The following CFDP1 variants were observed in gnomAD, a reference collection of about 807,000 sequenced individuals.
CFDP1 encodes the protein chromatin remodeling protein CFDP1, also known as heterochromatin-stabilizing protein CFDP1.
A neutral mutation model predicts 40.1 loss-of-function variants in CFDP1; 31 were observed. The ratio of observed to expected loss-of-function variants is 0.77; its 90% CI spans 0.58 to 1.04. The LOEUF (loss-of-function observed/expected upper bound fraction) is 1.04. CFDP1 is among the 50% of genes least tolerant of loss of function. The probability of loss-of-function intolerance (pLI) is 0.00; values close to 1 mark genes in which losing one functional copy is unlikely to be tolerated. For synonymous variants in CFDP1, 167 were observed against 120.0 expected (o/e 1.39, Z -2.56); for missense variants, 423 against 343.4 (o/e 1.23, Z -1.83).
intron 4 of CFDP1, among the ~76,000 whole-genome samples, chr16:75,400,563 T>A (rs1398655660): frequency 1.3e-5 from 2 of 152,176 alleles, no homozygotes; most frequent in Non-Finnish European, 2.9e-5. Flanking sequence ...TACCACAGGC[T>A]ACTGCTCTAC....
intron 5 of CFDP1, among the ~76,000 whole-genome samples, chr16:75,345,686 G>A (rs112998325): frequency 2.6e-4 from 39 of 152,216 alleles, no homozygotes; most frequent in African/African-American, 9.2e-4. Flanking sequence ...AAGAGAGTTT[G>A]GTAATAAGAG....
intron 2 of CFDP1, among the ~76,000 whole-genome samples, chr16:75,413,170 G>A (rs1462284966): frequency 6.6e-6 from 1 of 152,122 alleles, no homozygotes; most frequent in Non-Finnish European, 1.5e-5. Flanking sequence ...ATTTAGAAGA[G>A]CCTCAACTTT....
intron 5 of CFDP1, among the ~76,000 whole-genome samples, chr16:75,319,842 A>G (rs975376393): frequency 3.3e-5 from 5 of 152,232 alleles, no homozygotes; most frequent in Admixed American, 1.3e-4. Flanking sequence ...TTACTTAAGC[A>G]TGAGCCCTAA....
At chr16:75,328,611 A>C (rs1469143066) in intron 5 of CFDP1, among the ~76,000 whole-genome samples, 1 of 149,830 alleles carries the variant, frequency 6.7e-6, no homozygotes, top group Non-Finnish European at 1.5e-5. Context: ...AAAAAAAAAA[A>C]AAAAAAAAAA....
chr16:75,400,648 G>C (rs1487050766), intron 4 of CFDP1, among the ~76,000 whole-genome samples: 3 of 152,160 alleles, frequency 2.0e-5, no homozygotes. Flanking sequence ...AAAAGGCATG[G>C]CTGAAGTCCA....
At chr16:75,405,133 A>G (rs985300628) in intron 4 of CFDP1, among the ~76,000 whole-genome samples, 1 of 152,196 alleles carries the variant, frequency 6.6e-6, no homozygotes, top group African/African-American at 2.4e-5. Context: ...TAAACAGAGT[A>G]TAAATTCAGT....
intron 6 of CFDP1, among the ~76,000 whole-genome samples, 163 bp downstream of exon 6, chr16:75,304,861 C>A (rs562684390): frequency 6.6e-6 from 1 of 152,292 alleles, no homozygotes; most frequent in Non-Finnish European, 1.5e-5. Context: ...ACAGGCCCTG[C>A]CCCACACTGG....
chr16:75,316,189 G>A (rs1026485560), intron 5 of CFDP1, among the ~76,000 whole-genome samples: 4 of 152,198 alleles, frequency 2.6e-5, no homozygotes, highest in Admixed American at 6.5e-5. Context: ...CCATCCTGGC[G>A]ATGCCAAGCG....
intron 5 of CFDP1, among the ~76,000 whole-genome samples, chr16:75,337,355 C>T (rs564141889): frequency 3.9e-4 from 60 of 152,290 alleles, no homozygotes; most frequent in South Asian, 2.5e-3. Context: ...TCGCTGCTTC[C>T]AAACTCTCCC....
intron 4 of CFDP1, among the ~76,000 whole-genome samples, chr16:75,399,052 G>A (rs1474832817): frequency 7.1e-5 from 5 of 69,948 alleles, no homozygotes; most frequent in Non-Finnish European, 7.5e-5. Flanking sequence ...GCGAGACTCC[G>A]TCTCAAAAAA....
At chr16:75,340,191 C>G (rs111989483) in intron 5 of CFDP1, among the ~76,000 whole-genome samples, 1 of 152,250 alleles carries the variant, frequency 6.6e-6, no homozygotes, top group East Asian at 1.9e-4. Context: ...TTTCCAGGAC[C>G]GCAATGCTCC....
chr16:75,355,145 G>A (rs182092693), intron 5 of CFDP1, among the ~76,000 whole-genome samples: 51 of 152,334 alleles, frequency 3.3e-4, no homozygotes, highest in African/African-American at 1.0e-3. Context: ...AGCCTTCAGT[G>A]AATCAAAATC....
chr16:75,335,210 C>T (rs1467069282), intron 5 of CFDP1, among the ~76,000 whole-genome samples: 1 of 152,168 alleles, frequency 6.6e-6, no homozygotes, highest in Admixed American at 6.5e-5. Flanking sequence ...CCTGAGGTAT[C>T]TTGATTTACA....
chr16:75,367,089 G>T (rs1458077846), intron 5 of CFDP1, among the ~76,000 whole-genome samples: 1 of 150,534 alleles, frequency 6.6e-6, no homozygotes, highest in East Asian at 1.9e-4. Flanking sequence ...ACTTGAACCT[G>T]GGAGACAGAG....
At chr16:75,377,255 A>T (rs1245520135) in intron 5 of CFDP1, among the ~76,000 whole-genome samples, 1 of 152,246 alleles carries the variant, frequency 6.6e-6, no homozygotes, top group Non-Finnish European at 1.5e-5. Flanking sequence ...TATGGGAACC[A>T]AAAAGCAGTA....
intron 4 of CFDP1, among the ~76,000 whole-genome samples, chr16:75,395,779 G>T (rs887517356): frequency 6.6e-6 from 1 of 152,100 alleles, no homozygotes; most frequent in African/African-American, 2.4e-5. Context: ...CCCTAAAACT[G>T]GCTAAATTAG....
At chr16:75,321,726 T>C (rs558148842) in intron 5 of CFDP1, among the ~76,000 whole-genome samples, 4 of 152,314 alleles carry the variant, frequency 2.6e-5, no homozygotes, top group African/African-American at 9.6e-5. Context: ...AAACCATAAA[T>C]TTAAGATTAT....
At chr16:75,299,778 T>C (rs2078209622) in intron 6 of CFDP1, among the ~76,000 whole-genome samples, 1 of 152,084 alleles carries the variant, frequency 6.6e-6, no homozygotes, top group Admixed American at 6.5e-5. Flanking sequence ...TGTTCATAGA[T>C]GAACAAAACA....
At chr16:75,346,597 A>AAAAT (rs1689542437) in intron 5 of CFDP1, among the ~76,000 whole-genome samples, 2 of 144,204 alleles carry the variant, frequency 1.4e-5, no homozygotes, top group African/African-American at 5.3e-5. Flanking sequence ...AAAAAAAAAA[A>AAAAT]AAAAAAAAAA....
Sources: gnomAD v4.1 joint callset for allele counts (sites outside exome capture counted in the v4.1 genomes callset) on GRCh38, gnomAD v4.1.1 for gene constraint, MANE v1.5 for transcripts, NCBI Gene and HGNC (gene_info 2026-07-23, HGNC 2026-07-21) for gene names.